The following PSD2 variants were observed in gnomAD, a reference collection of about 807,000 sequenced individuals.
PSD2 encodes PH and SEC7 domain-containing protein 2.
PSD2 carries 38 observed loss-of-function variants against 69.8 expected under a neutral mutation model. The observed-to-expected ratio is 0.54, with a 90% confidence interval of 0.42 to 0.71. PSD2 has a LOEUF of 0.71. PSD2 is among the 30% of genes least tolerant of loss of function. PSD2 has a pLI of 0.00. For synonymous variants in PSD2, 412 were observed against 423.0 expected, an observed-to-expected ratio of 0.97 and a Z score of 0.32; for missense variants, 943 against 1,014.5, an observed-to-expected ratio of 0.93 and a Z score of 0.96.
the PSD2 span, among the ~76,000 whole-genome samples, chr5:139,757,226 G>T: frequency 6.6e-6 from 1 of 152,218 alleles, no homozygotes; most frequent in African/African-American, 2.4e-5. Context: ...TGGAGTCACA[G>T]AGTGGGCTGG....
chr5:139,761,292 A>G, the PSD2 span, among the ~76,000 whole-genome samples: 2 of 152,186 alleles, frequency 1.3e-5, no homozygotes, highest in Admixed American at 1.3e-4. Context: ...CAATGTCACT[A>G]TGCTTGTGAG....
At position 139,837,673 on chromosome 5, in the gene PSD2, G is replaced by A. The variant is rs375274848; in HGVS notation, c.1714G>A (p.Ala572Thr). 3.1e-6 allele frequency: 5 copies of A among 1,613,784 alleles called. No individual in the cohort carries two copies. The Admixed American group carries it at 5.0e-5, about 16-fold the overall frequency. The change falls in exon 12 of 15, where the codon GCC (alanine) becomes ACC (threonine). Residue 572 changes from alanine to threonine, a missense_variant. Transcript: ENST00000274710. This position sits in a 1 kb window ranked among gnomAD's most constrained non-coding sequence, Gnocchi z 5.0. ...TCTATCGGAGGGTGACCTGAAGAAC[G>A]CCATTCGCGTGCATCACGCTCTGGC... ...KALSEGDLKN[A>T]IRVHHALATR...
chr5:139,842,801 C>G lies in PSD2; in HGVS notation c.*327C>G, dbSNP rs1024396097. Reference sequence around the variant, plus strand: ...AGGGCTGTTGTCTTCCCAGGTCTTTCTCTTCTCATCAAGCTCCTCTCCTCA... The same window carrying G: ...AGGGCTGTTGTCTTCCCAGGTCTTTGTCTTCTCATCAAGCTCCTCTCCTCA... On this transcript the variant is annotated 3_prime_UTR_variant, in exon 15 of 15. Coordinates refer to ENST00000274710, the MANE Select transcript of PSD2 (RefSeq NM_032289.4). 2 of 251,828 alleles carry G rather than the reference C, an allele frequency of 7.9e-6. No homozygotes were observed. Among genetic ancestry groups the G allele is most frequent in the Non-Finnish European group, 1.5e-5 (2 of 130,038 alleles). 15.6% of individuals were successfully genotyped at this position (251,828 alleles called of 1,614,324 possible).
the PSD2 span, among the ~76,000 whole-genome samples, chr5:139,766,930 C>CCTTCCTTTCTTTCTTTCT: frequency 1.1e-4 from 5 of 44,120 alleles, no homozygotes; most frequent in South Asian, 8.3e-4. Flanking sequence ...CCTTCCTTCC[C>CCTTCCTTTCTTTCTTTCT]TTCTTTCTTT....
the PSD2 span, among the ~76,000 whole-genome samples, chr5:139,753,285 A>G: frequency 6.6e-6 from 1 of 152,184 alleles, no homozygotes; most frequent in African/African-American, 2.4e-5. Context: ...GCTGATTAGC[A>G]GGGTATAGGA....
chr5:139,766,919 T>TC, the PSD2 span, among the ~76,000 whole-genome samples: 6 of 21,734 alleles, frequency 2.8e-4, no homozygotes, highest in Non-Finnish European at 3.6e-4. Context: ...CTTCCTTCCT[T>TC]CCTTCCTTCC....
the PSD2 span, among the ~76,000 whole-genome samples, chr5:139,783,621 G>A: frequency 6.6e-6 from 1 of 152,150 alleles, no homozygotes; most frequent in African/African-American, 2.4e-5. Context: ...ATTGTAGACA[G>A]GGTCTTGCTG....
the PSD2 span, among the ~76,000 whole-genome samples, chr5:139,790,217 G>A: frequency 2.0e-5 from 3 of 152,130 alleles, no homozygotes; most frequent in Middle Eastern, 3.4e-3. Flanking sequence ...CCAGGAATTC[G>A]AGACCAGGCT....
At chr5:139,835,851 A>G in intron 9 of PSD2, 85 bp downstream of exon 9, 1 of 1,317,190 alleles carries the variant, frequency 7.6e-7, no homozygotes, top group Non-Finnish European at 1.1e-6. Context: ...CATTCTGACC[A>G]CTCTCCATGG....
intron 1 of PSD2, among the ~76,000 whole-genome samples, chr5:139,801,286 C>T (rs1759668724): frequency 6.6e-6 from 1 of 152,104 alleles, no homozygotes; most frequent in Non-Finnish European, 1.5e-5. Context: ...TCCACATCCT[C>T]TCCTCCTGCT....
chr5:139,793,860 T>C (rs1303007313), upstream of PSD2, among the ~76,000 whole-genome samples: 1 of 152,208 alleles, frequency 6.6e-6, no homozygotes, highest in Non-Finnish European at 1.5e-5. Context: ...AGAGGGGGAC[T>C]GCTACCATCC....
chr5:139,795,398 G>A (rs985803557), upstream of PSD2, among the ~76,000 whole-genome samples: 15 of 152,186 alleles, frequency 9.9e-5, no homozygotes, highest in Non-Finnish European at 1.6e-4. The surrounding 1 kb of genome is among the most constrained non-coding windows in gnomAD (Gnocchi z 4.5). Context: ...CGGGAGGAGG[G>A]CCAGGACCCG....
chr5:139,764,801 C>T, the PSD2 span, among the ~76,000 whole-genome samples: 12 of 152,174 alleles, frequency 7.9e-5, no homozygotes, highest in African/African-American at 1.7e-4. Flanking sequence ...AGAGCCTGTC[C>T]TCTGTCTATG....
At position 139,821,829 on chromosome 5, in the gene PSD2, G is replaced by A. The variant is rs947400606; in HGVS notation, c.1098-64G>A. On this transcript the variant is annotated intron_variant, in intron 5 of 14. Coordinates refer to ENST00000274710, the MANE Select transcript of PSD2 (RefSeq NM_032289.4). ...TAGAGTGGGTGTGTGCTGTGTGTGTGGGGGGTGGTCTTACCCTGGGTGAGG... is the reference window on the plus strand; with the variant it reads ...TAGAGTGGGTGTGTGCTGTGTGTGTAGGGGGTGGTCTTACCCTGGGTGAGG... 4.5e-6 allele frequency: 4 copies of A among 886,674 alleles called. No individual in the cohort carries two copies. The African/African-American group carries it at 6.6e-5, about 15-fold the overall frequency. The allele number at this position is 886,674 out of a possible 1,614,324, so 54.9% of individuals were successfully genotyped here.
chr5:139,760,121 C>T, the PSD2 span, among the ~76,000 whole-genome samples: 3 of 152,236 alleles, frequency 2.0e-5, no homozygotes, highest in Admixed American at 6.5e-5. Context: ...CTGGTCCCAC[C>T]CTCCATCTGC....
At chr5:139,792,192 C>A (rs188047457), upstream of PSD2, among the ~76,000 whole-genome samples, 2 of 152,062 alleles carry the variant, frequency 1.3e-5, no homozygotes, top group Admixed American at 6.6e-5. Flanking sequence ...GGGCAGGTTA[C>A]AACAAAGCTG....
At chr5:139,817,781 T>A (rs1447936177) in intron 5 of PSD2, among the ~76,000 whole-genome samples, 3 of 152,172 alleles carry the variant, frequency 2.0e-5, no homozygotes, top group Non-Finnish European at 2.9e-5. Flanking sequence ...AATGTAATTG[T>A]GACTCTAGGA....
At position 139,814,468 on chromosome 5, in the gene PSD2, G is replaced by A. The variant is rs1047397797; in HGVS notation, c.1016+104G>A. On this transcript the variant is annotated intron_variant, in intron 4 of 14. Transcript: ENST00000274710. This position sits in a 1 kb window ranked among gnomAD's most constrained non-coding sequence, Gnocchi z 4.4. ...CTTCAGGGGTGCCAGGTGCTGGGGG[G>A]GCACTCCCAACAGTTCCCCAAGGAC... 1.0e-5 allele frequency: 11 copies of A among 1,063,062 alleles called. No homozygotes were observed. The highest frequency in any genetic ancestry group is 1.8e-5 in the South Asian group (1 of 55,612). 65.9% of individuals were successfully genotyped at this position (1,063,062 alleles called of 1,614,324 possible). A position where few individuals can be genotyped will look rare whatever the true frequency, so the allele number is the denominator to read the frequency against.
At chr5:139,749,992 T>C in the PSD2 span, among the ~76,000 whole-genome samples, 1 of 148,544 alleles carries the variant, frequency 6.7e-6, no homozygotes, top group Non-Finnish European at 1.5e-5. Context: ...TGTGCCACTA[T>C]ACTCAAGCCT....
Sources: gnomAD v4.1 joint callset for allele counts (sites outside exome capture counted in the v4.1 genomes callset) on GRCh38, gnomAD v4.1.1 for gene constraint, Gnocchi (gnomAD v3.1) non-coding constraint, MANE v1.5 for transcripts, NCBI Gene and HGNC (gene_info 2026-07-23, HGNC 2026-07-21) for gene names.